B3GALT1: variants seen among roughly 807,000 people sequenced by gnomAD.
B3GALT1 encodes the protein UDP-Gal:betaGlcNAc beta 1,3-galactosyltransferase, polypeptide 1.
A neutral mutation model predicts 23.2 loss-of-function variants in B3GALT1; 10 were observed. That is an observed-to-expected ratio of 0.43 (90% confidence interval 0.27 to 0.73). B3GALT1 has a LOEUF of 0.73. B3GALT1 is among the 30% of genes least tolerant of loss of function. B3GALT1 has a pLI of 0.21. For synonymous variants in B3GALT1, 156 were observed against 141.5 expected, an observed-to-expected ratio of 1.10 and a Z score of -0.73; for missense variants, 299 against 405.4, an observed-to-expected ratio of 0.74 and a Z score of 2.25.
intron 1 of B3GALT1, among the ~76,000 whole-genome samples, chr2:167,373,628 G>A (rs1404079103): frequency 6.6e-6 from 1 of 152,132 alleles, no homozygotes; most frequent in Non-Finnish European, 1.5e-5. Flanking sequence ...ATGGTTTAGG[G>A]AAACAAAATG....
chr2:167,816,249 G>GTATT (rs1351256703), intron 3 of B3GALT1, among the ~76,000 whole-genome samples: 1 of 152,128 alleles, frequency 6.6e-6, no homozygotes, highest in Non-Finnish European at 1.5e-5. Flanking sequence ...TGGCAATTAA[G>GTATT]TATTTTGATT....
chr2:167,749,374 C>T (rs1331125835), intron 3 of B3GALT1, among the ~76,000 whole-genome samples: 3 of 152,180 alleles, frequency 2.0e-5, no homozygotes, highest in Admixed American at 6.6e-5. Context: ...TCCTATGCCA[C>T]GGGCAGGATT....
rs80052598 is a variant in B3GALT1 at position 167,670,644 on chromosome 2, G to C, written c.-352+23678G>C. Among the ~76,000 whole-genome samples, 996 of 152,166 alleles carry C rather than the reference G, an allele frequency of 6.5e-3. 10 individuals carry two copies. Among genetic ancestry groups the C allele is most frequent in the African/African-American group, 0.023 (945 of 41,504 alleles). On this transcript the variant is annotated intron_variant, in intron 3 of 4. Transcript: ENST00000392690. ...GTTTAGCAAGCTATAAGCAAACACA[G>C]ATAACTCAATGAAATAGGGAAAACA...
chr2:167,655,976 C>G (rs10169005), intron 3 of B3GALT1, among the ~76,000 whole-genome samples: 1 of 152,212 alleles, frequency 6.6e-6, no homozygotes, highest in East Asian at 1.9e-4. Context: ...TAGAAAGTGT[C>G]GAAGTATTCC....
chr2:167,566,562 A>T (rs201100054), intron 2 of B3GALT1, among the ~76,000 whole-genome samples: 3 of 114,262 alleles, frequency 2.6e-5, no homozygotes, highest in Middle Eastern at 9.7e-3. Context: ...AAAAAAAAAG[A>T]CAAAATAAAA....
At chr2:167,866,967 C>T (rs779840045) in intron 4 of B3GALT1, among the ~76,000 whole-genome samples, 3 of 151,956 alleles carry the variant, frequency 2.0e-5, no homozygotes, top group Non-Finnish European at 2.9e-5. Flanking sequence ...CACTTTGTCG[C>T]CCAGGCTGGA....
At chr2:167,591,185 G>A (rs749413788) in intron 2 of B3GALT1, among the ~76,000 whole-genome samples, 7 of 152,114 alleles carry the variant, frequency 4.6e-5, no homozygotes, top group East Asian at 1.9e-4. Flanking sequence ...GTGTAAGAAC[G>A]TAAAAATTTG....
At chr2:167,333,903 C>T (rs964421397) in intron 1 of B3GALT1, among the ~76,000 whole-genome samples, 8 of 151,816 alleles carry the variant, frequency 5.3e-5, no homozygotes, top group African/African-American at 1.9e-4. Context: ...TTTGGTGGCA[C>T]CGAGAAACCT....
At chr2:167,638,357 T>G (rs1032273301) in intron 2 of B3GALT1, among the ~76,000 whole-genome samples, 8 of 152,104 alleles carry the variant, frequency 5.3e-5, no homozygotes, top group Admixed American at 3.9e-4. Flanking sequence ...TTTAATGATA[T>G]GACATTGTAT....
In B3GALT1 at chr2:167,836,704, C is replaced by G. The variant is rs1378224692; in HGVS notation, c.-230+17911C>G. Among the ~76,000 whole-genome samples, 5 of 152,116 alleles carry G rather than the reference C, an allele frequency of 3.3e-5. No individual in the cohort carries two copies. The East Asian group carries it at 9.6e-4, about 29-fold the overall frequency. ...CCACAAAGATAATCCTCAAGAAGAGCAACTCCAAGACACATAATTGTCAGA... is the reference window on the plus strand; with the variant it reads ...CCACAAAGATAATCCTCAAGAAGAGGAACTCCAAGACACATAATTGTCAGA... On this transcript the variant is annotated intron_variant, in intron 4 of 4. Coordinates refer to ENST00000392690, the MANE Select transcript of B3GALT1 (RefSeq NM_020981.4).
chr2:167,494,326 A>G (rs960917222), intron 2 of B3GALT1, among the ~76,000 whole-genome samples: 6 of 151,810 alleles, frequency 4.0e-5, no homozygotes, highest in African/African-American at 1.4e-4. Flanking sequence ...CGACAGAGTG[A>G]GACTCCTCTC....
At chr2:167,409,292 G>A (rs1196366160) in intron 1 of B3GALT1, among the ~76,000 whole-genome samples, 2 of 151,982 alleles carry the variant, frequency 1.3e-5, no homozygotes, top group African/African-American at 4.8e-5. Flanking sequence ...TTTGAATGTT[G>A]GCCTGTCTTG....
intron 4 of B3GALT1, among the ~76,000 whole-genome samples, chr2:167,837,871 A>T (rs1477799407): frequency 2.0e-5 from 3 of 152,118 alleles, no homozygotes; most frequent in South Asian, 2.1e-4. Context: ...GGATTAAGAA[A>T]CTCACTCAAA....
At chr2:167,673,770 A>G (rs1404715941) in intron 3 of B3GALT1, among the ~76,000 whole-genome samples, 1 of 152,084 alleles carries the variant, frequency 6.6e-6, no homozygotes, top group Non-Finnish European at 1.5e-5. Flanking sequence ...ATTTAGTTAG[A>G]TATTTAGAAT....
At chr2:167,458,543 C>G (rs902570892) in intron 1 of B3GALT1, among the ~76,000 whole-genome samples, 4 of 152,132 alleles carry the variant, frequency 2.6e-5, no homozygotes, top group Non-Finnish European at 5.9e-5. Flanking sequence ...TACTGTCTTC[C>G]ACACCAGCTG....
intron 3 of B3GALT1, among the ~76,000 whole-genome samples, chr2:167,792,753 G>C (rs1688457897): frequency 1.3e-5 from 2 of 152,112 alleles, no homozygotes; most frequent in African/African-American, 4.8e-5. Flanking sequence ...GTTACAATTG[G>C]CTGGATAGAC....
intron 1 of B3GALT1, among the ~76,000 whole-genome samples, chr2:167,464,417 A>C (rs10206412): frequency 0.15 from 23,464 of 152,170 alleles, 2,693 homozygotes; most frequent in African/African-American, 0.33. Flanking sequence ...TTTGCTACAG[A>C]AGATTTTATT....
chr2:167,855,263 A>G (rs2105422670), intron 4 of B3GALT1, among the ~76,000 whole-genome samples: 1 of 152,296 alleles, frequency 6.6e-6, no homozygotes, highest in African/African-American at 2.4e-5. Context: ...TCTGACGACC[A>G]TGTAAAAAGT....
intron 1 of B3GALT1, among the ~76,000 whole-genome samples, chr2:167,476,557 G>A (rs1699489293): frequency 6.6e-6 from 1 of 152,024 alleles, no homozygotes; most frequent in African/African-American, 2.4e-5. Context: ...TTTCAAGGGG[G>A]GATACTGTGG....
Sources: allele counts gnomAD v4.1 joint callset (sites outside exome capture counted in the v4.1 genomes callset), GRCh38; gene constraint gnomAD v4.1.1; transcripts MANE v1.5; gene names NCBI Gene and HGNC (gene_info 2026-07-23, HGNC 2026-07-21).